Variants in DENND2B observed in about 807,000 individuals in gnomAD.
DENND2B encodes the protein DENN domain containing 2B.
Under a neutral mutation model 116.0 loss-of-function variants are expected in DENND2B, and 32 were observed. The ratio of observed to expected loss-of-function variants is 0.28; its 90% CI spans 0.21 to 0.37. DENND2B has a LOEUF of 0.37. Ranked by LOEUF, DENND2B falls within the 10% of genes least tolerant of loss-of-function variation. The pLI is 1.00. For missense variants in DENND2B, 1,276 were observed against 1,477.7 expected (o/e 0.86, Z 2.24); for synonymous variants, 588 against 583.9 (o/e 1.01, Z -0.10).
intron 4 of DENND2B, among the ~76,000 whole-genome samples, chr11:8,825,585 G>A (rs1391483847): frequency 2.6e-5 from 4 of 151,624 alleles, no homozygotes; most frequent in Admixed American, 6.6e-5. Context: ...TCAATGACTT[G>A]GATAAGACAC....
At chr11:8,901,830 T>C (rs2064174781) in intron 1 of DENND2B, among the ~76,000 whole-genome samples, 1 of 152,228 alleles carries the variant, frequency 6.6e-6, no homozygotes, top group African/African-American at 2.4e-5. Context: ...ACATACCTGG[T>C]ATGATTTCAG....
intron 1 of DENND2B, among the ~76,000 whole-genome samples, chr11:8,760,686 A>G (rs1316220119): frequency 6.6e-6 from 1 of 152,190 alleles, no homozygotes; most frequent in East Asian, 1.9e-4. Flanking sequence ...CCCATTCCCT[A>G]CAAAACAGTA....
At chr11:8,835,272 C>T (rs1048104906) in intron 4 of DENND2B, among the ~76,000 whole-genome samples, 13 of 152,004 alleles carry the variant, frequency 8.6e-5, no homozygotes, top group African/African-American at 7.2e-5. Flanking sequence ...ATAATTTTTA[C>T]GTGTTTCAAA....
At position 8,702,974 on chromosome 11, in the gene DENND2B, G is replaced by A. The variant is rs990983987; in HGVS notation, c.2572-254C>T. 9 of 503,390 alleles carry A rather than the reference G, an allele frequency of 1.8e-5. No individual in the cohort carries two copies. Among genetic ancestry groups the A allele is most frequent in the Non-Finnish European group, 2.8e-5 (8 of 281,508 alleles). 31.2% of individuals were successfully genotyped at this position (503,390 alleles called of 1,614,324 possible). ...GGGAAGGCTCCAGAAGGAAGGAGTT[G>A]AGGGGCCATCCATCGGGACCTCAGG... On this transcript the variant is annotated intron_variant, in intron 13 of 19. Transcript: ENST00000313726. The surrounding 1 kb of genome is among the most constrained non-coding windows in gnomAD (Gnocchi z 4.6).
At chr11:8,694,991 G>A (rs2040104367) in intron 19 of DENND2B, among the ~76,000 whole-genome samples, 1 of 152,202 alleles carries the variant, frequency 6.6e-6, no homozygotes, top group Non-Finnish European at 1.5e-5. Context: ...GAGGCCAGAA[G>A]TTTGAGGCTG....
rs557093433 is a variant in DENND2B, at chr11:8,712,494, C to T, written c.2172+57G>A. On this transcript the variant is annotated intron_variant, in intron 9 of 19. Coordinates refer to ENST00000313726, the MANE Select transcript of DENND2B (RefSeq NM_213618.2). The surrounding 1 kb of genome is among the most constrained non-coding windows in gnomAD (Gnocchi z 4.4). Reference sequence around the variant, plus strand: ...TCTCTCCTTCCCCAGATAGGCCTGGCGGATAGAGGATGGAAGAGGGGGAAT... The same window carrying T: ...TCTCTCCTTCCCCAGATAGGCCTGGTGGATAGAGGATGGAAGAGGGGGAAT... 6.9e-5 allele frequency: 103 copies of T among 1,499,598 alleles called. No individual in the cohort carries two copies. The highest frequency in any genetic ancestry group is 5.9e-4 in the South Asian group (46 of 78,060). The allele number at this position is 1,499,598 out of a possible 1,614,324, so 92.9% of individuals were successfully genotyped here. A position where few individuals can be genotyped will look rare whatever the true frequency, so the allele number is the denominator to read the frequency against.
At chr11:8,695,894 T>C (rs2040268420) in intron 18 of DENND2B, 1 of 354,596 alleles carries the variant, frequency 2.8e-6, no homozygotes, top group Non-Finnish European at 5.2e-6. Flanking sequence ...TTATACTAAA[T>C]GGATAGTATT....
chr11:8,734,861 G>A (rs143114840), intron 2 of DENND2B, among the ~76,000 whole-genome samples: 497 of 150,856 alleles, frequency 3.3e-3, no homozygotes, highest in Non-Finnish European at 5.0e-3. Context: ...TACCTGTCGC[G>A]CATTGAGCTT....
intron 11 of DENND2B, among the ~76,000 whole-genome samples, chr11:8,710,483 G>A (rs193058631): frequency 2.0e-5 from 3 of 152,042 alleles, no homozygotes; most frequent in African/African-American, 2.4e-5. Context: ...TGCTGGGGGC[G>A]ATTCGATCCT....
chr11:8,769,239 CTT>C (rs35488456), intron 1 of DENND2B, among the ~76,000 whole-genome samples: 23 of 142,508 alleles, frequency 1.6e-4, no homozygotes, highest in East Asian at 2.1e-4. Context: ...AAAGCAACTT[CTT>C]TTTTTTTTTT....
chr11:8,861,946 T>C (rs1483302290), intron 2 of DENND2B, among the ~76,000 whole-genome samples: 1 of 151,966 alleles, frequency 6.6e-6, no homozygotes, highest in African/African-American at 2.4e-5. Context: ...CCAAATACTG[T>C]ATGTTCTCAC....
chr11:8,717,476 T>C (rs1313818901), intron 5 of DENND2B, among the ~76,000 whole-genome samples: 1 of 152,174 alleles, frequency 6.6e-6, no homozygotes, highest in Non-Finnish European at 1.5e-5. Context: ...GGAAAGAAGA[T>C]AGGACAGGAT....
chr11:8,770,179 A>G (rs74456679), intron 1 of DENND2B, among the ~76,000 whole-genome samples: 1 of 152,338 alleles, frequency 6.6e-6, no homozygotes, highest in East Asian at 1.9e-4. Flanking sequence ...TTCTTCCCCA[A>G]TGCAAAGTAC....
upstream of DENND2B, among the ~76,000 whole-genome samples, chr11:8,875,201 T>C (rs1249580311): frequency 6.6e-6 from 1 of 151,672 alleles, no homozygotes; most frequent in Non-Finnish European, 1.5e-5. Context: ...TGGGCACCTG[T>C]AGTCCCAGCT....
At chr11:8,817,682 G>C (rs11042082) in intron 4 of DENND2B, among the ~76,000 whole-genome samples, 49,947 of 151,966 alleles carry the variant, frequency 0.33, 10,153 homozygotes, top group Non-Finnish European at 0.44. Flanking sequence ...TCCAGCCCTA[G>C]TTCACCTCCG....
chr11:8,901,525 C>T lies in DENND2B; in HGVS notation c.-256+9296G>A, dbSNP rs1052368295. ...GATTACAAGCATGAGCCAGCATGCC[C>T]GGCTCCTAGTTTCTTAAGGTAGAAA... On this transcript the variant is annotated intron_variant, in intron 1 of 22. Transcript: ENST00000534127. Among the ~76,000 whole-genome samples, 13 of 152,050 alleles carry T rather than the reference C, an allele frequency of 8.5e-5. No individual in the cohort carries two copies. In the South Asian group the frequency reaches 1.2e-3, roughly 15 times the overall value.
intron 1 of DENND2B, among the ~76,000 whole-genome samples, chr11:8,792,791 G>A (rs909247380): frequency 1.7e-4 from 26 of 152,294 alleles, no homozygotes; most frequent in African/African-American, 4.1e-4. Flanking sequence ...GGGCCAGGGC[G>A]CAGTGGAAAG....
chr11:8,774,217 C>A, intron 1 of DENND2B: 2 of 985,468 alleles, frequency 2.0e-6, no homozygotes, highest in South Asian at 9.4e-5. Flanking sequence ...GAGACCCTAC[C>A]TCCACCCTTC....
At chr11:8,747,607 G>A (rs1223681857) in intron 2 of DENND2B, among the ~76,000 whole-genome samples, 1 of 152,192 alleles carries the variant, frequency 6.6e-6, no homozygotes, top group Non-Finnish European at 1.5e-5. Flanking sequence ...GACCCCCAGA[G>A]TGGGATGCAG....
Sources: allele counts gnomAD v4.1 joint callset (sites outside exome capture counted in the v4.1 genomes callset), GRCh38; gene constraint gnomAD v4.1.1; non-coding constraint Gnocchi (gnomAD v3.1); transcripts MANE v1.5; gene names NCBI Gene and HGNC (gene_info 2026-07-23, HGNC 2026-07-21).